Variants in WDR25 observed in about 807,000 individuals in gnomAD.
The protein encoded by WDR25 is WD repeat domain 25, also known as WD repeat-containing protein 25.
WDR25 carries 35 observed loss-of-function variants against 47.7 expected under a neutral mutation model. The ratio of observed to expected loss-of-function variants is 0.73; its 90% confidence interval spans 0.56 to 0.97. WDR25 has a LOEUF of 0.97. Ranked by LOEUF, WDR25 falls within the 50% of genes least tolerant of loss-of-function variation. The pLI, the probability that WDR25 is intolerant of heterozygous loss-of-function variation, is 0.00. For missense variants in WDR25, 634 were observed against 704.7 expected (o/e 0.90, Z 1.14); for synonymous variants, 248 against 278.9 (o/e 0.89, Z 1.10).
rs768858165 is a variant in WDR25, at chr14:100,381,310, T to A, written c.386T>A (p.Leu129Gln). 8 of 1,614,106 alleles carry A rather than the reference T, an allele frequency of 5.0e-6. No homozygotes were observed. Among genetic ancestry groups the A allele is most frequent in the Non-Finnish European group, 6.8e-6 (8 of 1,180,040 alleles). Residue 129 changes from leucine (L) to glutamine (Q), a missense_variant, in exon 2 of 7, where the codon CTG (leucine) becomes CAG (glutamine). Transcript: ENST00000402312. ...TSHVPASHMP[L>Q]AAARFKQVKL... ...CATGTTCCAGCCAGCCACATGCCCC[T>A]GGCAGCTGCCCGCTTTAAGCAAGTA...
At chr14:100,414,496 A>G (rs1345804409) in intron 2 of WDR25, among the ~76,000 whole-genome samples, 2 of 151,068 alleles carry the variant, frequency 1.3e-5, no homozygotes, top group African/African-American at 4.9e-5. Context: ...TATTTTTAGT[A>G]GAGATAGGGT....
At chr14:100,417,496 G>A (rs1042647336) in intron 2 of WDR25, among the ~76,000 whole-genome samples, 3 of 152,164 alleles carry the variant, frequency 2.0e-5, no homozygotes, top group Non-Finnish European at 4.4e-5. Flanking sequence ...AAGACCCTGA[G>A]CAGCCAGGCT....
chr14:100,518,162 TC>T (rs1465468618), intron 4 of WDR25, among the ~76,000 whole-genome samples: 3 of 152,236 alleles, frequency 2.0e-5, no homozygotes, highest in African/African-American at 7.2e-5. Context: ...TTTAGATAGA[TC>T]AGGTCTGTTC....
intron 1 of WDR25, among the ~76,000 whole-genome samples, chr14:100,380,619 G>A (rs530321978): frequency 2.6e-5 from 4 of 151,502 alleles, no homozygotes; most frequent in South Asian, 4.2e-4. Context: ...TCAGCCTCCC[G>A]AGTAGCTGGG....
chr14:100,497,803 C>T (rs1383342236), intron 4 of WDR25, among the ~76,000 whole-genome samples: 3 of 152,186 alleles, frequency 2.0e-5, no homozygotes, highest in South Asian at 2.1e-4. Context: ...TTCCCAAGCC[C>T]GACTGGATTG....
intron 3 of WDR25, among the ~76,000 whole-genome samples, chr14:100,477,504 C>T (rs932262621): frequency 7.9e-5 from 12 of 152,212 alleles, no homozygotes; most frequent in African/African-American, 9.6e-5. Context: ...GCAAGATGGT[C>T]TTAAGGTTAA....
intron 4 of WDR25, among the ~76,000 whole-genome samples, chr14:100,485,548 G>A (rs905960552): frequency 6.6e-6 from 1 of 152,254 alleles, no homozygotes; most frequent in Non-Finnish European, 1.5e-5. Context: ...TTGGCTAGGC[G>A]TGGGCTTCAC....
intron 2 of WDR25, among the ~76,000 whole-genome samples, chr14:100,445,410 C>G (rs1308936304): frequency 6.6e-6 from 1 of 152,106 alleles, no homozygotes; most frequent in Admixed American, 6.5e-5. Flanking sequence ...CTTTGTTGGT[C>G]TTTTTCTATA....
chr14:100,410,111 A>G (rs1018546467), intron 2 of WDR25, among the ~76,000 whole-genome samples: 13 of 152,212 alleles, frequency 8.5e-5, no homozygotes, highest in African/African-American at 3.1e-4. Flanking sequence ...GAGTTTCCAG[A>G]GGGAGACAGT....
At chr14:100,491,745 C>T (rs986202942) in intron 4 of WDR25, among the ~76,000 whole-genome samples, 1 of 152,252 alleles carries the variant, frequency 6.6e-6, no homozygotes, top group African/African-American at 2.4e-5. Flanking sequence ...CTGGCATTCA[C>T]ATGCTCACTG....
At chr14:100,512,123 T>C (rs1434523561) in intron 4 of WDR25, among the ~76,000 whole-genome samples, 2 of 152,162 alleles carry the variant, frequency 1.3e-5, no homozygotes, top group African/African-American at 4.8e-5. Flanking sequence ...ATAGAACAAA[T>C]TGGGAAATGT....
intron 2 of WDR25, among the ~76,000 whole-genome samples, chr14:100,450,981 C>T (rs1005796768): frequency 6.6e-6 from 1 of 152,100 alleles, no homozygotes; most frequent in Non-Finnish European, 1.5e-5. Context: ...TCCAGCTGTG[C>T]GGGTCCACAA....
chr14:100,496,210 A>G (rs1299977798), intron 4 of WDR25, among the ~76,000 whole-genome samples: 1 of 152,238 alleles, frequency 6.6e-6, no homozygotes, highest in African/African-American at 2.4e-5. Flanking sequence ...TTCAGATTGT[A>G]TATGTCTTCA....
intron 4 of WDR25, among the ~76,000 whole-genome samples, chr14:100,520,918 C>A (rs2029870224): frequency 1.3e-5 from 2 of 152,100 alleles, no homozygotes; most frequent in African/African-American, 4.8e-5. Context: ...TTAAAAGAAA[C>A]CTTATTTGTG....
chr14:100,471,810 A>C (rs1268335780), intron 3 of WDR25, among the ~76,000 whole-genome samples: 3 of 152,210 alleles, frequency 2.0e-5, no homozygotes, highest in Non-Finnish European at 4.4e-5. Flanking sequence ...TATAGTTCTG[A>C]CAGGTTGTTG....
intron 4 of WDR25, among the ~76,000 whole-genome samples, chr14:100,496,884 G>T (rs1900750721): frequency 7.9e-6 from 1 of 125,896 alleles, no homozygotes; most frequent in Non-Finnish European, 1.6e-5. Context: ...CCCTTAGGCT[G>T]GAGTGTAGTG....
At chr14:100,460,969 T>C (rs942038660) in intron 2 of WDR25, among the ~76,000 whole-genome samples, 3 of 152,134 alleles carry the variant, frequency 2.0e-5, no homozygotes, top group African/African-American at 7.2e-5. Context: ...AATCCAGCCT[T>C]TGGGAAGCTG....
At chr14:100,524,463 G>A (rs1433153783) in intron 4 of WDR25, among the ~76,000 whole-genome samples, 2 of 152,210 alleles carry the variant, frequency 1.3e-5, no homozygotes, top group Non-Finnish European at 2.9e-5. Context: ...GCACAGGCAT[G>A]CAGAATCCAG....
chr14:100,439,035 C>T (rs1044880912), intron 2 of WDR25, among the ~76,000 whole-genome samples: 5 of 152,194 alleles, frequency 3.3e-5, no homozygotes, highest in Non-Finnish European at 5.9e-5. Context: ...CACCCTCCTG[C>T]AGATGGAGGC....
Sources: gnomAD v4.1 joint callset for allele counts (sites outside exome capture counted in the v4.1 genomes callset) on GRCh38, gnomAD v4.1.1 for gene constraint, MANE v1.5 for transcripts, NCBI Gene and HGNC (gene_info 2026-07-23, HGNC 2026-07-21) for gene names.